The following EPCAM variants were observed in gnomAD, a reference collection of about 807,000 sequenced individuals.
The protein encoded by EPCAM is epithelial cell adhesion molecule.
Under a neutral mutation model 40.0 loss-of-function variants are expected in EPCAM, and 39 were observed. The ratio of observed to expected loss-of-function variants is 0.98; its 90% CI spans 0.76 to 1.27. The LOEUF (loss-of-function observed/expected upper bound fraction) is 1.27. EPCAM is among the 50% of genes most tolerant of loss of function. The pLI is 0.00. For missense variants in EPCAM, 503 were observed against 381.2 expected (o/e 1.32, Z -2.66); for synonymous variants, 168 against 132.3 (o/e 1.27, Z -1.85).
intron 7 of EPCAM, 29 bp from the exon 8 acceptor site, chr2:47,385,137 A>G (rs745910299): frequency 3.2e-6 from 5 of 1,586,042 alleles, no homozygotes; most frequent in Non-Finnish European, 3.5e-6. Context: ...TAGCAGTCCT[A>G]AAACAATAGT....
At chr2:47,377,858 A>G (rs765647081) in intron 5 of EPCAM, 1 of 425,614 alleles carries the variant, frequency 2.3e-6, no homozygotes, top group Non-Finnish European at 4.7e-6. Context: ...AAGAAGCTTG[A>G]ATAGTGTGAC....
intron 8 of EPCAM, 149 bp from the exon 9 acceptor site, chr2:47,386,420 CTTT>C: frequency 1.7e-6 from 1 of 603,914 alleles, no homozygotes; most frequent in Non-Finnish European, 2.8e-6. Context: ...TGCAATATAA[CTTT>C]TTCTTTTTTT....
chr2:47,377,500 G>T (rs1671458828), intron 5 of EPCAM, among the ~76,000 whole-genome samples: 1 of 152,024 alleles, frequency 6.6e-6, no homozygotes, highest in South Asian at 2.1e-4. Context: ...GCCTCTCAAA[G>T]TGTTGGGATT....
chr2:47,385,098 T>C (rs1442767857), intron 7 of EPCAM, 68 bp from the exon 8 acceptor site: 5 of 1,149,740 alleles, frequency 4.3e-6, no homozygotes, highest in Non-Finnish European at 6.6e-6. Context: ...TAAAAGCATA[T>C]ATGTCTGTTT....
intron 7 of EPCAM, among the ~76,000 whole-genome samples, chr2:47,384,207 T>C (rs192485271): frequency 1.5e-4 from 22 of 150,268 alleles, no homozygotes; most frequent in African/African-American, 5.4e-4. Flanking sequence ...AGGTTCAAGC[T>C]ATTCTCCTGC....
In EPCAM at chr2:47,375,300, G is replaced by A. The variant is rs606231203; in HGVS notation, c.491+1G>A. ...CTTATGATAGTAAAAGTTTGCGGAC[G>A]TAAGTGCAATTAAATGCATCATATT... On this transcript the variant is annotated splice_donor_variant, in intron 4 of 8. Coordinates refer to ENST00000263735, the MANE Select transcript of EPCAM (RefSeq NM_002354.3). LOFTEE classifies it high-confidence loss of function. 1.8e-5 allele frequency: 29 copies of A among 1,602,506 alleles called. No individual in the cohort carries two copies. In the Admixed American group the frequency reaches 2.8e-4, roughly 16 times the overall value.
chr2:47,375,776 G>C (rs1671407211), intron 4 of EPCAM, among the ~76,000 whole-genome samples: 1 of 150,744 alleles, frequency 6.6e-6, no homozygotes, highest in South Asian at 2.1e-4. Flanking sequence ...CGTGATCTCA[G>C]CTCACTGCAA....
intron 7 of EPCAM, chr2:47,383,503 C>T (rs897812320): frequency 6.7e-6 from 1 of 150,014 alleles, no homozygotes; most frequent in Non-Finnish European, 1.5e-5. Context: ...CAGGGTTTCA[C>T]CATATTGGCC....
At chr2:47,386,419 A>G (rs1671743589) in intron 8 of EPCAM, among the ~76,000 whole-genome samples, 153 bp from the exon 9 acceptor site, 1 of 152,128 alleles carries the variant, frequency 6.6e-6, no homozygotes, top group Admixed American at 6.6e-5. Context: ...TTGCAATATA[A>G]CTTTTTCTTT....
At chr2:47,373,731 C>A (rs1465457612) in intron 2 of EPCAM, 77 bp from the exon 3 acceptor site, 22 of 1,589,038 alleles carry the variant, frequency 1.4e-5, no homozygotes, top group Non-Finnish European at 1.7e-5. Context: ...GACCCTGGAA[C>A]TTTAGAGTTA....
At chr2:47,377,180 T>C (rs904442657) in intron 5 of EPCAM, 103 bp downstream of exon 5, 19 of 813,468 alleles carry the variant, frequency 2.3e-5, no homozygotes, top group African/African-American at 5.0e-5. Flanking sequence ...ATGCACTTAC[T>C]GGAGCAACAG....
At chr2:47,371,970 GT>G (rs988586717) in intron 1 of EPCAM, among the ~76,000 whole-genome samples, 30 of 152,210 alleles carry the variant, frequency 2.0e-4, no homozygotes, top group Non-Finnish European at 7.4e-5. Context: ...GATAGTTTTT[GT>G]TTTTAATGAT....
intron 7 of EPCAM, among the ~76,000 whole-genome samples, chr2:47,381,836 A>G (rs1671599646): frequency 6.6e-6 from 1 of 152,136 alleles, no homozygotes; most frequent in Non-Finnish European, 1.5e-5. Context: ...GCATGATCAT[A>G]ACTCACTGCA....
chr2:47,376,759 C>T (rs987643295), intron 4 of EPCAM, among the ~76,000 whole-genome samples: 1 of 152,142 alleles, frequency 6.6e-6, no homozygotes, highest in African/African-American at 2.4e-5. Context: ...CTTTGTAATC[C>T]ATAAATAATC....
At chr2:47,379,700 A>G (rs1189183381) in intron 6 of EPCAM, 69 bp from the exon 7 acceptor site, 46 of 1,534,812 alleles carry the variant, frequency 3.0e-5, no homozygotes, top group Non-Finnish European at 3.8e-5. Context: ...TACAATTTGT[A>G]TGTAATTATA....
chr2:47,382,211 A>G (rs1422839466), intron 7 of EPCAM, among the ~76,000 whole-genome samples: 4 of 152,248 alleles, frequency 2.6e-5, no homozygotes, highest in Non-Finnish European at 4.4e-5. Flanking sequence ...AAGAGTTCTT[A>G]CAAATTGATG....
rs994807549 is a variant in EPCAM at position 47,386,727 on chromosome 2, C to A, written c.*114C>A. ...GGTCATGAGTTTGTTAGTTTAACAT[C>A]ATATATTTGTAATAGTGAAACCTGT... On this transcript the variant is annotated 3_prime_UTR_variant, in exon 9 of 9. Coordinates refer to ENST00000263735, the MANE Select transcript of EPCAM (RefSeq NM_002354.3). The A allele has an allele frequency of 7.2e-6, 6 of 833,190 alleles. No individual in the cohort carries two copies. The highest frequency in any genetic ancestry group is 5.0e-5 in the African/African-American group (3 of 59,494). 51.6% of individuals were successfully genotyped at this position (833,190 alleles called of 1,614,324 possible).
At chr2:47,375,707 A>AT (rs35742854) in intron 4 of EPCAM, among the ~76,000 whole-genome samples, 62,058 of 143,570 alleles carry the variant, frequency 0.43, 13,721 homozygotes, top group East Asian at 0.79. Flanking sequence ...TTTAGGAAAA[A>AT]TTTTTTTTTT....
intron 7 of EPCAM, chr2:47,383,032 C>T (rs1341396024): frequency 2.0e-5 from 3 of 151,224 alleles, no homozygotes; most frequent in Non-Finnish European, 4.4e-5. Context: ...GCTGGCCGGA[C>T]GTGGTGGCTC....
Sources: gnomAD v4.1 joint callset for allele counts (sites outside exome capture counted in the v4.1 genomes callset) on GRCh38, gnomAD v4.1.1 for gene constraint, MANE v1.5 for transcripts, NCBI Gene and HGNC (gene_info 2026-07-23, HGNC 2026-07-21) for gene names.